The following CCDC146 variants were observed in gnomAD, a reference collection of about 807,000 sequenced individuals.
The protein encoded by CCDC146 is coiled-coil domain containing 146.
A neutral mutation model predicts 119.3 loss-of-function variants in CCDC146; 92 were observed. That is an observed-to-expected ratio of 0.77 (90% CI 0.65 to 0.92). The LOEUF is 0.92. Among genes scored for constraint, CCDC146 ranks in the 40% least tolerant of loss-of-function variants. The probability of loss-of-function intolerance (pLI) is 0.00; values close to 1 mark genes in which losing one functional copy is unlikely to be tolerated. For missense variants in CCDC146, 1,000 were observed against 1,103.0 expected (o/e 0.91, Z 1.32); for synonymous variants, 372 against 371.8 (o/e 1.00, Z -0.01).
At chr7:77,249,381 G>C (rs185060194) in intron 4 of CCDC146, among the ~76,000 whole-genome samples, 1 of 151,564 alleles carries the variant, frequency 6.6e-6, no homozygotes, top group Non-Finnish European at 1.5e-5. Context: ...CCAGCTACTC[G>C]GGAGGCTGAG....
intron 2 of CCDC146, among the ~76,000 whole-genome samples, chr7:77,232,624 G>GT (rs761516792): frequency 2.0e-5 from 3 of 152,176 alleles, no homozygotes; most frequent in Non-Finnish European, 4.4e-5. Context: ...CCCCAACCTG[G>GT]TTAGAGCCTC....
chr7:77,292,773 C>T (rs999780455), intron 17 of CCDC146, among the ~76,000 whole-genome samples, 179 bp from the exon 18 acceptor site: 1 of 152,090 alleles, frequency 6.6e-6, no homozygotes, highest in Non-Finnish European at 1.5e-5. Context: ...CTTACACAGC[C>T]AGGGTGTTCG....
At chr7:77,199,369 G>A (rs879129060) in intron 2 of CCDC146, 1 of 1,614,078 alleles carries the variant, frequency 6.2e-7, no homozygotes, top group Non-Finnish European at 8.5e-7. Flanking sequence ...CTTTAGCTCA[G>A]AGGACAGCTT....
intron 1 of CCDC146, among the ~76,000 whole-genome samples, chr7:77,134,457 G>T (rs1790831647): frequency 6.6e-6 from 1 of 152,076 alleles, no homozygotes. Flanking sequence ...TCCAACTACA[G>T]CAGATCCTCA....
chr7:77,282,503 G>T, intron 14 of CCDC146, 54 bp from the exon 15 acceptor site: 1 of 1,234,812 alleles, frequency 8.1e-7, no homozygotes, highest in South Asian at 1.4e-5. Flanking sequence ...ACAATGACTA[G>T]TAAAACGGTG....
chr7:77,128,482 C>T (rs1198021036), intron 1 of CCDC146, among the ~76,000 whole-genome samples: 2 of 151,390 alleles, frequency 1.3e-5, no homozygotes, highest in East Asian at 1.9e-4. Flanking sequence ...ATGCCTAACA[C>T]CCAGTTTAAG....
At chr7:77,288,392 G>T (rs1793886176) in intron 17 of CCDC146, among the ~76,000 whole-genome samples, 1 of 152,242 alleles carries the variant, frequency 6.6e-6, no homozygotes, top group Non-Finnish European at 1.5e-5. Flanking sequence ...TGCAGGTCTT[G>T]CCAGGCTTCC....
At chr7:77,269,337 G>A (rs137933899) in intron 9 of CCDC146, among the ~76,000 whole-genome samples, 130 of 152,036 alleles carry the variant, frequency 8.6e-4, no homozygotes, top group African/African-American at 3.1e-3. Context: ...ATTAATGATG[G>A]TTTCTTTTTC....
intron 2 of CCDC146, among the ~76,000 whole-genome samples, chr7:77,168,886 A>G (rs3114351): frequency 0.13 from 19,077 of 151,918 alleles, 1,787 homozygotes; most frequent in Non-Finnish European, 0.18. Context: ...ACCTAAATGC[A>G]TCACTATATT....
intron 11 of CCDC146, among the ~76,000 whole-genome samples, chr7:77,277,035 G>A (rs1332325455): frequency 6.6e-6 from 1 of 152,094 alleles, no homozygotes; most frequent in Non-Finnish European, 1.5e-5. Context: ...TTGCGCCACT[G>A]CACTCCAGCC....
chr7:77,264,450 G>T (rs1452051279), intron 9 of CCDC146, among the ~76,000 whole-genome samples: 1 of 152,078 alleles, frequency 6.6e-6, no homozygotes, highest in African/African-American at 2.4e-5. Context: ...GTAGAGACAG[G>T]CTTTCACTAT....
chr7:77,295,079 A>C lies in CCDC146; in HGVS notation c.*213A>C, dbSNP rs2150562796. ...TGGGACATAGAACTGTCCTACATTT[A>C]TGTCAAAGTATATATTTGAATCGCT... On this transcript the variant is annotated 3_prime_UTR_variant, in exon 19 of 19. Coordinates refer to ENST00000285871, the MANE Select transcript of CCDC146 (RefSeq NM_020879.3). The C allele has an allele frequency of 5.9e-6, 3 of 510,946 alleles. No homozygotes were observed. The highest frequency in any genetic ancestry group is 5.6e-5 in the South Asian group (2 of 35,890). The allele number at this position is 510,946 out of a possible 1,614,324, so 31.7% of individuals were successfully genotyped here. A position where few individuals can be genotyped will look rare whatever the true frequency, so the allele number is the denominator to read the frequency against.
chr7:77,194,836 G>A (rs1791835389), intron 2 of CCDC146: 1 of 152,040 alleles, frequency 6.6e-6, no homozygotes, highest in South Asian at 2.1e-4. Flanking sequence ...TTACGATGAT[G>A]AAATTAAACA....
chr7:77,218,358 G>T (rs949511423), intron 2 of CCDC146, among the ~76,000 whole-genome samples: 1 of 151,350 alleles, frequency 6.6e-6, no homozygotes, highest in African/African-American at 2.4e-5. Flanking sequence ...ATAAAGCAAG[G>T]TCCCAATCTC....
chr7:77,268,560 T>C (rs1392567801), intron 9 of CCDC146, among the ~76,000 whole-genome samples: 1 of 152,216 alleles, frequency 6.6e-6, no homozygotes, highest in African/African-American at 2.4e-5. Context: ...TCCGACTCTA[T>C]TTCATGGGTC....
chr7:77,273,787 C>A lies in CCDC146; in HGVS notation c.1267C>A (p.Gln423Lys). 6.3e-7 allele frequency: 1 copy of A among 1,597,670 alleles called. No individual in the cohort carries two copies. ...VEVAKRNLAQQKIISEMESKL... is the reference protein window; with the variant it reads ...VEVAKRNLAQKKIISEMESKL... ...AGTAGCTAAGAGGAATTTGGCCCAA[C>A]AGGTTAATATCAATGCTCATTTAAG... The change falls in exon 10 of 19, where the codon CAG (glutamine) becomes AAG (lysine). Residue 423 changes from glutamine (Q) to lysine (K), a missense_variant and splice_region_variant. Gln to Lys is a moderately conservative substitution (Grantham distance 53). Transcript: ENST00000285871.
intron 1 of CCDC146, among the ~76,000 whole-genome samples, chr7:77,166,009 T>A (rs2117480196): frequency 6.6e-6 from 1 of 152,318 alleles, no homozygotes; most frequent in South Asian, 2.1e-4. Flanking sequence ...TATGAAGCTT[T>A]GAATAAATGA....
chr7:77,239,767 T>C (rs556495290), intron 3 of CCDC146, among the ~76,000 whole-genome samples: 1 of 152,354 alleles, frequency 6.6e-6, no homozygotes, highest in South Asian at 2.1e-4. Flanking sequence ...TTGGAGCCGA[T>C]GCTTGCTGAT....
intron 17 of CCDC146, among the ~76,000 whole-genome samples, chr7:77,292,301 A>ATTTTTTTT (rs35258178): frequency 5.6e-4 from 74 of 132,656 alleles, no homozygotes; most frequent in African/African-American, 2.0e-3. Context: ...CTTTATTTTA[A>ATTTTTTTT]TTTTTTTTTT....
Sources: gnomAD v4.1 joint callset for allele counts (sites outside exome capture counted in the v4.1 genomes callset) on GRCh38, gnomAD v4.1.1 for gene constraint, MANE v1.5 for transcripts, NCBI Gene and HGNC (gene_info 2026-07-23, HGNC 2026-07-21) for gene names.